LOC128125822: variants seen among roughly 807,000 people sequenced by gnomAD.
At chr6:63,577,669 G>A in the LOC128125822 span, among the ~76,000 whole-genome samples, 1 of 151,950 alleles carries the variant, frequency 6.6e-6, no homozygotes, top group African/African-American at 2.4e-5. Context: ...CAATTCTCCT[G>A]CCTCAGCCTC....
At chr6:63,572,510 G>T in the LOC128125822 span, 1 of 390,676 alleles carries the variant, frequency 2.6e-6, no homozygotes, top group South Asian at 1.3e-4. Flanking sequence ...TCCTTCGGCT[G>T]CGGGCCGGCT....
the LOC128125822 span, chr6:63,580,017 G>A: frequency 7.0e-7 from 1 of 1,434,264 alleles, no homozygotes; most frequent in Non-Finnish European, 9.7e-7. Flanking sequence ...ACTGTAGGGG[G>A]CTTTTGCCTT....
At chr6:63,579,347 T>C in the LOC128125822 span, 1 of 1,559,882 alleles carries the variant, frequency 6.4e-7, no homozygotes, top group South Asian at 1.2e-5. Context: ...TAATGGATTC[T>C]CTTTTCATTT....
the LOC128125822 span, chr6:63,580,310 C>A: frequency 1.4e-6 from 1 of 707,524 alleles, no homozygotes; most frequent in Non-Finnish European, 2.4e-6. Context: ...TACCAGGCCT[C>A]AAGCTAGACA....
At chr6:63,577,025 A>G in the LOC128125822 span, 19 of 1,490,444 alleles carry the variant, frequency 1.3e-5, no homozygotes, top group Admixed American at 3.5e-5. Flanking sequence ...ATTGATTGCA[A>G]TATAATAGTG....
chr6:63,572,621 C>T, the LOC128125822 span: 1 of 421,880 alleles, frequency 2.4e-6, no homozygotes, highest in Non-Finnish European at 4.1e-6. Context: ...CGACCACCGC[C>T]GCCTCCTGCC....
the LOC128125822 span, chr6:63,578,615 A>G: frequency 1.4e-6 from 2 of 1,474,392 alleles, no homozygotes; most frequent in Non-Finnish European, 1.8e-6. Context: ...TATCTATTTA[A>G]GTCATAAATA....
the LOC128125822 span, chr6:63,578,977 G>A: frequency 9.3e-6 from 15 of 1,607,604 alleles, no homozygotes; most frequent in East Asian, 1.3e-4. Context: ...ATTAAGTTTC[G>A]TGAAGAACCT....
chr6:63,576,903 C>A, the LOC128125822 span: 1 of 1,613,634 alleles, frequency 6.2e-7, no homozygotes, highest in South Asian at 1.1e-5. Flanking sequence ...AACCGCCCAG[C>A]TCCTGTGGAA....
the LOC128125822 span, chr6:63,581,680 C>G: frequency 1.3e-5 from 2 of 151,996 alleles, no homozygotes; most frequent in African/African-American, 2.4e-5. Flanking sequence ...AATTTTGAAC[C>G]AATTTATTAT....
the LOC128125822 span, chr6:63,576,830 A>T: frequency 4.8e-6 from 7 of 1,457,784 alleles, no homozygotes; most frequent in Non-Finnish European, 6.6e-6. Context: ...TCTGTATTCA[A>T]TTTTTTTAAT....
the LOC128125822 span, chr6:63,580,898 CTG>C: frequency 6.6e-6 from 1 of 152,534 alleles, no homozygotes; most frequent in African/African-American, 2.4e-5. Flanking sequence ...TGTTTGCACT[CTG>C]AGGTGCAACT....
At chr6:63,578,941 T>C in the LOC128125822 span, 1 of 1,602,448 alleles carries the variant, frequency 6.2e-7, no homozygotes, top group East Asian at 2.3e-5. Context: ...AACCAGATTG[T>C]TGATGACTGG....
chr6:63,576,683 A>G, the LOC128125822 span: 2 of 587,678 alleles, frequency 3.4e-6, no homozygotes, highest in South Asian at 2.2e-5. Context: ...TGTTGGCCTC[A>G]GTATTACTGG....
At chr6:63,574,717 T>A in the LOC128125822 span, among the ~76,000 whole-genome samples, 4 of 152,232 alleles carry the variant, frequency 2.6e-5, no homozygotes, top group African/African-American at 9.6e-5. Context: ...ATTAGAATAC[T>A]GTGATGAGTC....
At chr6:63,581,368 G>T in the LOC128125822 span, 1 of 152,556 alleles carries the variant, frequency 6.6e-6, no homozygotes, top group Non-Finnish European at 1.5e-5. Flanking sequence ...TTCTGTGGGA[G>T]AAATAATTTT....
At chr6:63,577,050 C>T in the LOC128125822 span, 10 of 1,303,696 alleles carry the variant, frequency 7.7e-6, no homozygotes, top group African/African-American at 3.0e-5. Flanking sequence ...TTATAGCTAA[C>T]AAAATAAAAA....
chr6:63,574,017 C>G, the LOC128125822 span, among the ~76,000 whole-genome samples: 1 of 152,224 alleles, frequency 6.6e-6, no homozygotes, highest in Non-Finnish European at 1.5e-5. Flanking sequence ...TCCGCGGAGC[C>G]CCCTACCAGT....
the LOC128125822 span, among the ~76,000 whole-genome samples, chr6:63,578,044 G>C: frequency 1.3e-5 from 2 of 151,862 alleles, no homozygotes; most frequent in African/African-American, 4.8e-5. Context: ...CAGATTACCC[G>C]ATTAGTTATA....
Sources: allele counts gnomAD v4.1 joint callset (sites outside exome capture counted in the v4.1 genomes callset), GRCh38; gene constraint gnomAD v4.1.1; transcripts MANE v1.5.